ABR: variants seen among roughly 807,000 people sequenced by gnomAD.
ABR encodes active breakpoint cluster region-related protein.
Under a neutral mutation model 107.2 loss-of-function variants are expected in ABR, and 35 were observed. The observed-to-expected ratio is 0.33, with a 90% confidence interval of 0.25 to 0.43. ABR has a LOEUF of 0.43. Ranked by LOEUF, ABR falls within the 20% of genes least tolerant of loss-of-function variation. The probability of loss-of-function intolerance (pLI) is 1.00; values close to 1 mark genes in which losing one functional copy is unlikely to be tolerated. For missense variants in ABR, 815 were observed against 1,115.2 expected, an observed-to-expected ratio of 0.73 and a Z score of 3.83; for synonymous variants, 498 against 462.0, an observed-to-expected ratio of 1.08 and a Z score of -1.00.
At chr17:1,151,546 A>C (rs1158480185) in intron 1 of ABR, among the ~76,000 whole-genome samples, 1 of 152,124 alleles carries the variant, frequency 6.6e-6, no homozygotes, top group African/African-American at 2.4e-5. Context: ...TCCCCACCTC[A>C]AAGCCGCGTT....
intron 10 of ABR, among the ~76,000 whole-genome samples, chr17:1,064,975 C>T (rs1250249271): frequency 0.022 from 243 of 11,250 alleles, no homozygotes; most frequent in East Asian, 0.056. Context: ...ACTGCTGTTA[C>T]GTGAACTGAG....
intron 1 of ABR, among the ~76,000 whole-genome samples, chr17:1,224,808 G>A (rs2043183273): frequency 6.6e-6 from 1 of 152,070 alleles, no homozygotes. Flanking sequence ...CTGAGTAGCT[G>A]GGACTATAGG....
chr17:1,111,648 G>C (rs553377022), intron 2 of ABR, among the ~76,000 whole-genome samples: 1 of 152,326 alleles, frequency 6.6e-6, no homozygotes, highest in African/African-American at 2.4e-5. Context: ...CAGCTGCCCT[G>C]TTGATGCAGG....
At chr17:1,016,837 G>A (rs1016763928) in intron 16 of ABR, among the ~76,000 whole-genome samples, 4 of 152,078 alleles carry the variant, frequency 2.6e-5, no homozygotes, top group Non-Finnish European at 4.4e-5. Context: ...CCCTCAGAAC[G>A]TCTCTGTGCA....
intron 16 of ABR, among the ~76,000 whole-genome samples, chr17:1,023,118 TACA>T (rs1567594576): frequency 9.1e-5 from 13 of 143,066 alleles, no homozygotes; most frequent in South Asian, 2.2e-4. Flanking sequence ...CCACGTCCAC[TACA>T]GCGCCTCTGC....
chr17:1,094,093 G>A (rs942388411), intron 3 of ABR, among the ~76,000 whole-genome samples: 2 of 151,852 alleles, frequency 1.3e-5, no homozygotes, highest in African/African-American at 4.8e-5. Context: ...AGAACCAACG[G>A]CCCCTCTGCG....
Position 1,091,827 on chromosome 17 carries a change from G to A in ABR, c.369C>T (p.Thr123=), listed in dbSNP as rs758930739. The change falls in exon 4 of 23, where the codon ACC becomes ACT. Residue 123 remains threonine, a synonymous_variant. Transcript: ENST00000302538. ...LLLPMKPLKA[T]ATTSQPVLTI... ...TGAGCACGGGCTGGGAGGTGGTGGCGGTGGCCTTCAGGGGTTTCATGGGCT... is the reference window on the plus strand; with the variant it reads ...TGAGCACGGGCTGGGAGGTGGTGGCAGTGGCCTTCAGGGGTTTCATGGGCT... The A allele has an allele frequency of 1.9e-5, 31 of 1,613,400 alleles. No homozygotes were observed. Among genetic ancestry groups the A allele is most frequent in the Middle Eastern group, 1.6e-4 (1 of 6,078 alleles).
chr17:1,036,016 G>T (rs2073158089), intron 16 of ABR, among the ~76,000 whole-genome samples: 1 of 152,050 alleles, frequency 6.6e-6, no homozygotes, highest in African/African-American at 2.4e-5. Context: ...AGCTGGGGGT[G>T]GGGACGGCTT....
At chr17:1,222,884 G>A (rs979294261) in intron 1 of ABR, among the ~76,000 whole-genome samples, 1 of 152,078 alleles carries the variant, frequency 6.6e-6, no homozygotes, top group African/African-American at 2.4e-5. Flanking sequence ...ACTCCAGCTT[G>A]GGCAACAGAG....
intron 1 of ABR, among the ~76,000 whole-genome samples, chr17:1,192,939 T>G (rs2042468070): frequency 6.6e-6 from 1 of 152,072 alleles, no homozygotes; most frequent in Non-Finnish European, 1.5e-5. Flanking sequence ...TCCCAGCTAC[T>G]GGGGAGGCTG....
At position 1,091,694 on chromosome 17, in the gene ABR, C is replaced by A; in HGVS notation, c.502G>T (p.Val168Phe). The change falls in exon 4 of 23, where the codon GTC (valine) becomes TTC (phenylalanine). Residue 168 changes from valine to phenylalanine, a missense_variant. Around this residue, in one of 5 missense-constraint regions of ABR, gnomAD observed 385 missense variants for 596.9 expected, o/e 0.64. Transcript: ENST00000302538. Reference sequence around the variant, plus strand: ...TTCTGGAAGAGGTGGCCCATGGTGACCTGGCTGTCCCACTGTTGCACCTTG... The same window carrying A: ...TTCTGGAAGAGGTGGCCCATGGTGAACTGGCTGTCCCACTGTTGCACCTTG... The part of the protein sequence containing the change: ...CPKVQQWDSQ[V>F]TMGHLFQKLA... 6.2e-7 allele frequency: 1 copy of A among 1,614,000 alleles called. No homozygotes were observed. Among genetic ancestry groups the A allele is most frequent in the Non-Finnish European group, 8.5e-7 (1 of 1,179,906 alleles).
At chr17:1,048,832 G>T (rs568117713) in intron 16 of ABR, among the ~76,000 whole-genome samples, 1 of 151,934 alleles carries the variant, frequency 6.6e-6, no homozygotes, top group South Asian at 2.1e-4. Flanking sequence ...CCTGGATCAC[G>T]TCTGCGGCCA....
In ABR at chr17:1,037,558, T is replaced by G. The variant is rs1190192715; in HGVS notation, c.1791+12492A>C. On this transcript the variant is annotated intron_variant, in intron 16 of 22. Transcript: ENST00000302538. This position sits in a 1 kb window ranked among gnomAD's most constrained non-coding sequence, Gnocchi z 4.6. Reference sequence around the variant, plus strand: ...TGCACTTGAGCCTTTGGGAACATCTTGCTTATCTAGAACAAAACTCACCCA... The same window carrying G: ...TGCACTTGAGCCTTTGGGAACATCTGGCTTATCTAGAACAAAACTCACCCA... Among the ~76,000 whole-genome samples, 2 of 152,200 alleles carry G rather than the reference T, an allele frequency of 1.3e-5. No homozygotes were observed. Among genetic ancestry groups the G allele is most frequent in the Non-Finnish European group, 2.9e-5 (2 of 68,030 alleles).
At chr17:1,065,903 G>C (rs1040137718) in intron 10 of ABR, among the ~76,000 whole-genome samples, 1 of 151,910 alleles carries the variant, frequency 6.6e-6, no homozygotes, top group Non-Finnish European at 1.5e-5. Flanking sequence ...AAGCCACCAC[G>C]CCAGGCTAAT....
At chr17:1,066,262 T>G (rs1293005089) in intron 10 of ABR, among the ~76,000 whole-genome samples, 2 of 152,188 alleles carry the variant, frequency 1.3e-5, no homozygotes, top group African/African-American at 2.4e-5. Flanking sequence ...GCAGAAAAAT[T>G]TTGAGATTTC....
At chr17:1,135,774 G>T (rs1189410538) in intron 1 of ABR, among the ~76,000 whole-genome samples, 1 of 152,160 alleles carries the variant, frequency 6.6e-6, no homozygotes, top group Admixed American at 6.5e-5. Context: ...TATTCGGGGG[G>T]CTGAGGCAGG....
chr17:1,082,641 T>C (rs187283752), intron 5 of ABR, among the ~76,000 whole-genome samples: 1 of 152,248 alleles, frequency 6.6e-6, no homozygotes, highest in Admixed American at 6.5e-5. Context: ...AGTCTTAGAG[T>C]TGGCAAGAAC....
At chr17:1,125,441 CCGG>C (rs754525374) in intron 1 of ABR, 74 bp from the exon 2 acceptor site, 2 of 1,568,312 alleles carry the variant, frequency 1.3e-6, no homozygotes, top group East Asian at 2.2e-5. Context: ...GTAGTGGGCG[CCGG>C]CGGCGGCCCC....
rs2042981765 is a variant in ABR, at chr17:1,215,433, G to A, written c.838+13360C>T. ...TTCGTATTTTTTTGGTGGAGACGGG[G>A]TTTCGCTGTGTTGGCCGGGCTGGTC... On this transcript the variant is annotated intron_variant, in intron 1 of 22. Coordinates refer to the ABR transcript ENST00000574139. Among the ~76,000 whole-genome samples the A allele has an allele frequency of 2.0e-5, 3 of 152,356 alleles. No homozygotes were observed. In the South Asian group the frequency reaches 6.2e-4, roughly 32 times the overall value.
Sources: allele counts gnomAD v4.1 joint callset (sites outside exome capture counted in the v4.1 genomes callset), GRCh38; gene constraint gnomAD v4.1.1; regional missense constraint gnomAD v4.1.1; non-coding constraint Gnocchi (gnomAD v3.1); transcripts MANE v1.5; gene names NCBI Gene and HGNC (gene_info 2026-07-23, HGNC 2026-07-21).